The following LIPF variants were observed in gnomAD, a reference collection of about 807,000 sequenced individuals.
LIPF encodes gastric triacylglycerol lipase.
LIPF carries 25 observed loss-of-function variants against 38.0 expected under a neutral mutation model. The observed-to-expected ratio is 0.66, with a 90% CI of 0.48 to 0.92. The LOEUF is 0.92. Ranked by LOEUF, LIPF falls within the 40% of genes least tolerant of loss-of-function variation. The pLI, the probability that LIPF is intolerant of heterozygous loss-of-function variation, is 0.00. For missense variants in LIPF, 410 were observed against 469.9 expected (o/e 0.87, Z 1.18); for synonymous variants, 161 against 156.2 (o/e 1.03, Z -0.23).
rs762433771 is a variant in LIPF at position 88,671,940 on chromosome 10, G to T, written c.644G>T (p.Arg215Ile). Residue 215 changes from arginine (R) to isoleucine (I), a missense_variant, in exon 6 of 10, where the codon AGA becomes ATA. Physicochemically the swap from Arg to Ile is moderately conservative, Grantham distance 97. Coordinates refer to ENST00000238983, the MANE Select transcript of LIPF (RefSeq NM_004190.4). ...ACAAAAAGCCTTATAAACAAACTTA[G>T]ATTTGTTCCTCAATCCCTCTTCAAG... ...KYTKSLINKL[R>I]FVPQSLFKFI... 41 of 1,610,942 alleles carry T rather than the reference G, an allele frequency of 2.5e-5. No individual in the cohort carries two copies. The highest frequency in any genetic ancestry group is 3.3e-5 in the Non-Finnish European group (39 of 1,178,374).
intron 6 of LIPF, 57 bp from the exon 7 acceptor site, chr10:88,673,531 T>G (rs1318558750): frequency 1.5e-6 from 2 of 1,322,618 alleles, no homozygotes; most frequent in East Asian, 2.3e-5. Flanking sequence ...GATAAACTAG[T>G]GAGTCTTTTC....
At chr10:88,669,071 G>A in intron 4 of LIPF, 2 of 241,616 alleles carry the variant, frequency 8.3e-6, no homozygotes, top group East Asian at 1.6e-4. Context: ...ATGGATTCAA[G>A]AGAGAAGTAA....
At chr10:88,675,691 T>C in intron 8 of LIPF, 34 bp downstream of exon 8, 1 of 1,479,020 alleles carries the variant, frequency 6.8e-7, no homozygotes. Context: ...AAATGTATTT[T>C]GTGAGTCTCA....
At chr10:88,674,237 C>G (rs4333926) in intron 7 of LIPF, among the ~76,000 whole-genome samples, 59,856 of 151,978 alleles carry the variant, frequency 0.39, 12,134 homozygotes, top group East Asian at 0.5. Flanking sequence ...GGCGCAATCT[C>G]GGCTCATAGC....
At chr10:88,675,714 T>C in intron 8 of LIPF, 57 bp downstream of exon 8, 1 of 1,253,224 alleles carries the variant, frequency 8.0e-7, no homozygotes, top group Non-Finnish European at 1.2e-6. Flanking sequence ...CCTTTTCACT[T>C]TACCTAAACA....
intron 3 of LIPF, among the ~76,000 whole-genome samples, chr10:88,668,086 G>A (rs1200027127): frequency 6.6e-6 from 1 of 152,118 alleles, no homozygotes; most frequent in African/African-American, 2.4e-5. Flanking sequence ...GTTAGCCAGG[G>A]TGTGTGTTGC....
At chr10:88,676,388 T>G in intron 9 of LIPF, 108 bp downstream of exon 9, 1 of 683,912 alleles carries the variant, frequency 1.5e-6, no homozygotes, top group Non-Finnish European at 2.5e-6. Context: ...CAAAGGAATG[T>G]TGATGTTCTG....
rs1470119352 is a variant in LIPF at position 88,669,871 on chromosome 10, A to G, written c.457A>G (p.Thr153Ala). Residue 153 changes from threonine to alanine, a missense_variant, in exon 5 of 10, where the codon ACA becomes GCA. Physicochemically the swap from Thr to Ala is moderately conservative, Grantham distance 58. Transcript: ENST00000238983. ...AATGGCTAAATATGACCTTCCAGCCACAATCGACTTCATTGTAAAGAAAAC... is the reference window on the plus strand; with the variant it reads ...AATGGCTAAATATGACCTTCCAGCCGCAATCGACTTCATTGTAAAGAAAAC... Reference protein sequence around the residue: ...DEMAKYDLPATIDFIVKKTGQ... With the variant: ...DEMAKYDLPAAIDFIVKKTGQ... 7.4e-6 allele frequency: 12 copies of G among 1,613,446 alleles called. No individual in the cohort carries two copies. The Admixed American group carries it at 2.0e-4, about 27-fold the overall frequency.
intron 3 of LIPF, among the ~76,000 whole-genome samples, chr10:88,668,081 C>A (rs1457912657): frequency 1.3e-5 from 2 of 152,042 alleles, no homozygotes; most frequent in African/African-American, 2.4e-5. Context: ...GAAGAGTTAG[C>A]CAGGGTGTGT....
Position 88,678,563 on chromosome 10 carries a change from A to G in LIPF, c.1079A>G (p.Asn360Ser), listed in dbSNP as rs866806545. 6.8e-6 allele frequency: 11 copies of G among 1,613,916 alleles called. No homozygotes were observed. The highest frequency in any genetic ancestry group is 1.6e-4 in the Middle Eastern group (1 of 6,062). Residue 360 changes from asparagine to serine, a missense_variant, in exon 10 of 10, where the codon AAT becomes AGT. Coordinates refer to ENST00000238983, the MANE Select transcript of LIPF (RefSeq NM_004190.4). ...GGCCTTTTGCTTCCAAAACTCCCCAATCTTATTTACCACAAGGAGATTCCT... is the reference window on the plus strand; with the variant it reads ...GGCCTTTTGCTTCCAAAACTCCCCAGTCTTATTTACCACAAGGAGATTCCT... Reference protein sequence around the residue: ...DVGLLLPKLPNLIYHKEIPFY... With the variant: ...DVGLLLPKLPSLIYHKEIPFY...
At chr10:88,677,914 A>G (rs1346675092) in intron 9 of LIPF, among the ~76,000 whole-genome samples, 1 of 152,192 alleles carries the variant, frequency 6.6e-6, no homozygotes, top group Non-Finnish European at 1.5e-5. Flanking sequence ...CAGCTCCATA[A>G]CTGAAACAAC....
intron 1 of LIPF, among the ~76,000 whole-genome samples, chr10:88,665,737 A>ATT (rs68081693): frequency 0.029 from 2,877 of 100,136 alleles, 119 homozygotes; most frequent in East Asian, 0.11. Context: ...TTAAAAACTG[A>ATT]TTTTTTTTTT....
intron 6 of LIPF, among the ~76,000 whole-genome samples, chr10:88,672,334 C>G (rs1049192316): frequency 1.3e-5 from 2 of 152,016 alleles, no homozygotes; most frequent in Non-Finnish European, 1.5e-5. Context: ...GACTAACCCA[C>G]TTGGGCCAGA....
chr10:88,669,705 T>C (rs1294711555), intron 4 of LIPF, 132 bp from the exon 5 acceptor site: 2 of 579,732 alleles, frequency 3.4e-6, no homozygotes, highest in Non-Finnish European at 6.0e-6. Context: ...CATCCACTGA[T>C]GGTCTATAAG....
At chr10:88,678,080 T>C (rs895396987) in intron 9 of LIPF, among the ~76,000 whole-genome samples, 1 of 152,218 alleles carries the variant, frequency 6.6e-6, no homozygotes. Context: ...AGTTGCAATC[T>C]ATGTTCTTAA....
At chr10:88,665,737 ATTTTTT>A (rs68081693) in intron 1 of LIPF, among the ~76,000 whole-genome samples, 8,675 of 100,316 alleles carry the variant, frequency 0.086, 328 homozygotes, top group African/African-American at 0.18. Context: ...TTAAAAACTG[ATTTTTT>A]TTTTTTTTTT....
chr10:88,671,718 C>G, intron 5 of LIPF, 111 bp from the exon 6 acceptor site: 1 of 1,432,664 alleles, frequency 7.0e-7, no homozygotes, highest in Non-Finnish European at 9.3e-7. Context: ...CAGGCTGTCT[C>G]AAACACCATC....
intron 1 of LIPF, among the ~76,000 whole-genome samples, chr10:88,665,970 C>T (rs1398278658): frequency 6.6e-6 from 1 of 152,104 alleles, no homozygotes; most frequent in Non-Finnish European, 1.5e-5. Context: ...ATCTCCTGAC[C>T]TCCTGATCCG....
intron 6 of LIPF, 90 bp downstream of exon 6, chr10:88,672,055 A>G: frequency 8.2e-7 from 1 of 1,224,600 alleles, no homozygotes; most frequent in East Asian, 2.5e-5. Context: ...TTATAAAAAG[A>G]GAACAATCAT....
Sources: allele counts gnomAD v4.1 joint callset (sites outside exome capture counted in the v4.1 genomes callset), GRCh38; gene constraint gnomAD v4.1.1; transcripts MANE v1.5; gene names NCBI Gene and HGNC (gene_info 2026-07-23, HGNC 2026-07-21).